NSMCE1: variants seen among roughly 807,000 people sequenced by gnomAD.
NSMCE1 encodes the protein NSE1 component of SMC5/6 complex.
Under a neutral mutation model 29.6 loss-of-function variants are expected in NSMCE1, and 18 were observed. The observed-to-expected ratio is 0.61, with a 90% CI of 0.42 to 0.90. NSMCE1 has a LOEUF of 0.90. Ranked by LOEUF, NSMCE1 falls within the 40% of genes least tolerant of loss-of-function variation. The probability of loss-of-function intolerance (pLI) is 0.00; values close to 1 mark genes in which losing one functional copy is unlikely to be tolerated. For missense variants in NSMCE1, 314 were observed against 343.6 expected, an observed-to-expected ratio of 0.91 and a Z score of 0.68; for synonymous variants, 124 against 133.4, an observed-to-expected ratio of 0.93 and a Z score of 0.49.
In NSMCE1 at chr16:27,234,320, G is replaced by A. The variant is rs76595415; in HGVS notation, c.259-55C>T. On this transcript the variant is annotated intron_variant, in intron 3 of 7. Coordinates refer to ENST00000361439, the MANE Select transcript of NSMCE1 (RefSeq NM_145080.4). ...CTGTGCTCTTTGCGTGTTGGTTAAC[G>A]TGTCGCTGGCTCTCCCTCCCTCCCC... is the stretch of plus-strand genomic sequence containing the variant. The A allele has an allele frequency of 2.5e-3, 3,045 of 1,228,350 alleles. 49 individuals carry two copies. The African/African-American group carries it at 0.039, about 16-fold the overall frequency. 76.1% of individuals were successfully genotyped at this position (1,228,350 alleles called of 1,614,324 possible). A position where few individuals can be genotyped will look rare whatever the true frequency, so the allele number is the denominator to read the frequency against.
chr16:27,246,081 G>A (rs951789593), intron 2 of NSMCE1, among the ~76,000 whole-genome samples: 5 of 152,150 alleles, frequency 3.3e-5, no homozygotes, highest in Non-Finnish European at 5.9e-5. Context: ...CAATCAGCAC[G>A]CTGGAAACAA....
chr16:27,225,366 ACCCT>A (rs1396284745), intron 7 of NSMCE1, 130 bp from the exon 8 acceptor site: 1 of 660,146 alleles, frequency 1.5e-6, no homozygotes, highest in Admixed American at 2.4e-5. Context: ...TTCACTGCTA[ACCCT>A]CCCCAGCCCG....
chr16:27,257,673 T>G, intron 1 of NSMCE1, 92 bp from the exon 2 acceptor site: 1 of 1,106,580 alleles, frequency 9.0e-7, no homozygotes. Context: ...AAATATAAAT[T>G]TGCTATCATT....
intron 1 of NSMCE1, among the ~76,000 whole-genome samples, chr16:27,265,482 G>T (rs1467429105): frequency 6.6e-6 from 1 of 151,964 alleles, no homozygotes; most frequent in African/African-American, 2.4e-5. Flanking sequence ...ATAAATTATT[G>T]TAACCATTTC....
chr16:27,263,392 A>G (rs1423464665), intron 1 of NSMCE1, among the ~76,000 whole-genome samples: 1 of 152,266 alleles, frequency 6.6e-6, no homozygotes, highest in Non-Finnish European at 1.5e-5. Context: ...TGTCTTTTGC[A>G]GGAACATGGA....
chr16:27,228,296 G>A (rs140941458), intron 5 of NSMCE1, among the ~76,000 whole-genome samples: 20 of 152,234 alleles, frequency 1.3e-4, no homozygotes, highest in Non-Finnish European at 2.4e-4. Context: ...GAGGGAGGCC[G>A]GGGCACCAGG....
At chr16:27,256,352 A>G (rs1221591092) in intron 2 of NSMCE1, among the ~76,000 whole-genome samples, 6 of 152,224 alleles carry the variant, frequency 3.9e-5, no homozygotes, top group Non-Finnish European at 7.3e-5. Context: ...ATAAAAGAAC[A>G]TAACAGGATA....
At chr16:27,261,078 A>T (rs2084151219) in intron 1 of NSMCE1, among the ~76,000 whole-genome samples, 1 of 151,022 alleles carries the variant, frequency 6.6e-6, no homozygotes, top group South Asian at 2.1e-4. Context: ...GAGGCATGAG[A>T]ATCGCTGGAA....
chr16:27,225,305 GC>G, intron 7 of NSMCE1, 69 bp from the exon 8 acceptor site: 1 of 915,616 alleles, frequency 1.1e-6, no homozygotes, highest in Non-Finnish European at 1.8e-6. Flanking sequence ...ACCAGCTGGA[GC>G]CAGCAGCTAC....
intron 1 of NSMCE1, among the ~76,000 whole-genome samples, chr16:27,267,306 G>A (rs72782383): frequency 0.26 from 39,903 of 151,836 alleles, 7,000 homozygotes; most frequent in Middle Eastern, 0.39. Context: ...CATACCATTC[G>A]TGCGGGTGCT....
At chr16:27,225,661 C>T in intron 7 of NSMCE1, 65 bp downstream of exon 7, 1 of 1,601,228 alleles carries the variant, frequency 6.2e-7, no homozygotes, top group Non-Finnish European at 8.5e-7. Context: ...CAAGGGCTTC[C>T]CTGGCACCAG....
At chr16:27,257,832 G>A (rs1462821474) in intron 1 of NSMCE1, among the ~76,000 whole-genome samples, 2 of 152,184 alleles carry the variant, frequency 1.3e-5, no homozygotes, top group Admixed American at 6.5e-5. Flanking sequence ...CTAGGCGTGT[G>A]AGATTGAGCA....
Position 27,257,472 on chromosome 16 carries a change from C to G in NSMCE1, c.99G>C (p.Val33=). 1.2e-6 allele frequency: 2 copies of G among 1,613,982 alleles called. No homozygotes were observed. Among genetic ancestry groups the G allele is most frequent in the Non-Finnish European group, 1.7e-6 (2 of 1,179,956 alleles). ...MTHGVLEEWD[V]KRLQTHCYKV... ...TGTAGCAGTGCGTCTGCAAGCGCTT[C>G]ACGTCCCATTCCTCTAGCACGCCAT... Residue 33 remains valine (V), a synonymous_variant, in exon 2 of 8, where the codon GTG becomes GTC. Transcript: ENST00000361439.
chr16:27,235,103 A>C (rs750397645), intron 3 of NSMCE1, 75 bp downstream of exon 3: 8 of 1,491,654 alleles, frequency 5.4e-6, no homozygotes, highest in Non-Finnish European at 7.3e-6. Context: ...AAATCAAACC[A>C]AAGCAAACAC....
At chr16:27,251,674 G>A (rs1312490801) in intron 2 of NSMCE1, among the ~76,000 whole-genome samples, 1 of 152,186 alleles carries the variant, frequency 6.6e-6, no homozygotes, top group African/African-American at 2.4e-5. Context: ...AGAAGAGTTT[G>A]GGTAGAAATG....
In NSMCE1 at chr16:27,259,541, G is replaced by A. The variant is rs567606605; in HGVS notation, c.-11-1960C>T. Among the ~76,000 whole-genome samples the A allele has an allele frequency of 1.3e-4, 20 of 152,270 alleles. No homozygotes were observed. In the South Asian group the frequency reaches 4.1e-3, roughly 32 times the overall value. On this transcript the variant is annotated intron_variant, in intron 1 of 7. Coordinates refer to ENST00000361439, the MANE Select transcript of NSMCE1 (RefSeq NM_145080.4). ...TGGTGTTGCCTAGCTGTGTTTTAGG[G>A]AGATTATCCTCTTTGGCATCATGGA... is the stretch of plus-strand genomic sequence containing the variant.
intron 2 of NSMCE1, chr16:27,241,804 A>G (rs1462632349): frequency 4.4e-6 from 2 of 452,966 alleles, no homozygotes; most frequent in Admixed American, 4.8e-5. Context: ...CTCACCTCTC[A>G]GCAGACCCTC....
intron 2 of NSMCE1, among the ~76,000 whole-genome samples, chr16:27,238,543 T>TTTC (rs71272473): frequency 0.63 from 93,589 of 148,430 alleles, 30,528 homozygotes; most frequent in East Asian, 0.89. Flanking sequence ...GCCTTTTTTC[T>TTTC]TTTTTTTTTT....
rs531412258 is a variant in NSMCE1 at position 27,242,123 on chromosome 16, G to A, written c.137-6824C>T. Among the ~76,000 whole-genome samples, 905 of 152,302 alleles carry A rather than the reference G, an allele frequency of 5.9e-3. 11 individuals carry two copies. The highest frequency in any genetic ancestry group is 0.037 in the Middle Eastern group (11 of 294). ...GAGTGATGGCACACAGGGCTTCACT[G>A]TATCAGTCTCTCCACTTTTCTGTTT... On this transcript the variant is annotated intron_variant, in intron 2 of 7. Transcript: ENST00000361439.
Sources: gnomAD v4.1 joint callset for allele counts (sites outside exome capture counted in the v4.1 genomes callset) on GRCh38, gnomAD v4.1.1 for gene constraint, MANE v1.5 for transcripts, NCBI Gene and HGNC (gene_info 2026-07-23, HGNC 2026-07-21) for gene names.